NAV2: variants seen among roughly 807,000 people sequenced by gnomAD.
NAV2 encodes neuron navigator 2.
In NAV2, 54 loss-of-function variants were observed where a neutral mutation model predicts 223.2. The observed-to-expected ratio is 0.24, with a 90% confidence interval of 0.19 to 0.30. The LOEUF is 0.30. Among genes scored for constraint, NAV2 ranks in the 10% least tolerant of loss-of-function variants. NAV2 has a pLI of 1.00. For missense variants in NAV2, 2,806 were observed against 3,147.5 expected (o/e 0.89, Z 2.60); for synonymous variants, 1,279 against 1,239.3 (o/e 1.03, Z -0.67).
chr11:19,996,396 C>T (rs765397876), intron 11 of NAV2, among the ~76,000 whole-genome samples: 31 of 152,218 alleles, frequency 2.0e-4, no homozygotes, highest in Non-Finnish European at 3.7e-4. Flanking sequence ...GTATCATTTT[C>T]CCCATCTGGG....
chr11:19,465,796 G>A (rs768318683), intron 1 of NAV2, among the ~76,000 whole-genome samples: 1 of 152,230 alleles, frequency 6.6e-6, no homozygotes, highest in Non-Finnish European at 1.5e-5. Flanking sequence ...CTGAGGTTTA[G>A]CTAACCAGTA....
At chr11:19,554,671 G>C (rs909461760) in intron 1 of NAV2, among the ~76,000 whole-genome samples, 1 of 152,136 alleles carries the variant, frequency 6.6e-6, no homozygotes, top group African/African-American at 2.4e-5. Context: ...TGTTTATGGT[G>C]GTGGTGTTTT....
intron 1 of NAV2, among the ~76,000 whole-genome samples, chr11:19,706,340 A>G (rs1051441350): frequency 6.6e-6 from 1 of 152,204 alleles, no homozygotes; most frequent in Non-Finnish European, 1.5e-5. Flanking sequence ...TACCTCTTAG[A>G]GTTTCAACAC....
chr11:19,879,808 C>G lies in NAV2; in HGVS notation c.512-61C>G. The G allele has an allele frequency of 1.9e-6, 3 of 1,598,664 alleles. No individual in the cohort carries two copies. The East Asian group carries it at 6.7e-5, about 36-fold the overall frequency. On this transcript the variant is annotated intron_variant, in intron 4 of 37. Transcript: ENST00000349880. ...AATCAAACTCACGTGCCGACTGAAA[C>G]AGCCCATTGAACAGGAAGAAGAGCT...
At chr11:19,403,220 T>C (rs903478066) in intron 1 of NAV2, among the ~76,000 whole-genome samples, 16 of 152,246 alleles carry the variant, frequency 1.1e-4, no homozygotes, top group Non-Finnish European at 1.8e-4. Flanking sequence ...CAGCCACTTA[T>C]GAAGTATCTA....
chr11:19,732,946 A>C (rs892548521), intron 1 of NAV2, among the ~76,000 whole-genome samples: 1 of 152,236 alleles, frequency 6.6e-6, no homozygotes, highest in Non-Finnish European at 1.5e-5. Context: ...GTGTTAATCA[A>C]TGCCTGCACA....
intron 11 of NAV2, among the ~76,000 whole-genome samples, chr11:20,020,113 A>C (rs542437418): frequency 6.6e-6 from 1 of 152,222 alleles, no homozygotes; most frequent in Non-Finnish European, 1.5e-5. Flanking sequence ...AAGTGTCTTC[A>C]CTAGCATTGT....
chr11:19,761,522 A>G (rs1029765331), intron 1 of NAV2, among the ~76,000 whole-genome samples: 1 of 152,184 alleles, frequency 6.6e-6, no homozygotes, highest in Non-Finnish European at 1.5e-5. Flanking sequence ...AGCATGATCC[A>G]GGCAGCACAA....
intron 6 of NAV2, among the ~76,000 whole-genome samples, chr11:19,906,181 C>T (rs2042853002): frequency 6.6e-6 from 1 of 152,144 alleles, no homozygotes; most frequent in African/African-American, 2.4e-5. Context: ...TCTACATGGT[C>T]TTTCATCTCC....
chr11:19,637,331 G>A (rs1425791659), intron 1 of NAV2, among the ~76,000 whole-genome samples: 1 of 152,112 alleles, frequency 6.6e-6, no homozygotes, highest in Admixed American at 6.5e-5. Context: ...CCCTTCCCTA[G>A]CTGCTGATCT....
intron 1 of NAV2, among the ~76,000 whole-genome samples, chr11:19,547,175 G>A (rs1254439017): frequency 6.6e-6 from 1 of 152,186 alleles, no homozygotes; most frequent in Non-Finnish European, 1.5e-5. Context: ...TGGAACTCTG[G>A]AGGCCAGCTC....
intron 30 of NAV2, among the ~76,000 whole-genome samples, chr11:20,096,499 G>A (rs1039459323): frequency 6.6e-6 from 1 of 152,128 alleles, no homozygotes; most frequent in African/African-American, 2.4e-5. Context: ...ACTATGCCAA[G>A]CCCCTTATAT....
At chr11:19,779,361 C>T (rs554227303) in intron 1 of NAV2, among the ~76,000 whole-genome samples, 2 of 152,338 alleles carry the variant, frequency 1.3e-5, no homozygotes, top group East Asian at 1.9e-4. Context: ...TCCAGATAGC[C>T]TCAGATATCC....
chr11:19,975,927 G>T (rs2049690879), intron 10 of NAV2, among the ~76,000 whole-genome samples: 1 of 126,458 alleles, frequency 7.9e-6, no homozygotes, highest in Non-Finnish European at 1.8e-5. Context: ...CTCCAAAGAG[G>T]TTAATAAGAA....
intron 3 of NAV2, among the ~76,000 whole-genome samples, chr11:19,850,307 C>T (rs970560190): frequency 2.6e-5 from 4 of 152,152 alleles, no homozygotes; most frequent in Admixed American, 6.5e-5. Context: ...ATAATACACT[C>T]TCTTGTGGTT....
At chr11:19,710,824 CCTT>C (rs2049840513), upstream of NAV2, 1 of 152,206 alleles carries the variant, frequency 6.6e-6, no homozygotes, top group African/African-American at 2.4e-5. Flanking sequence ...GACAATCTCT[CCTT>C]CTTCTAGCAT....
chr11:19,416,033 A>G lies in NAV2; in HGVS notation c.75+65006A>G, dbSNP rs1276509517. The stretch of plus-strand genomic sequence containing the variant: ...GGGAGCATTCCCTTCGAAAACCCAC[A>G]CAAGACAAGTATGCCCTCTCTCACG... On this transcript the variant is annotated intron_variant, in intron 1 of 37. Transcript: ENST00000360655. Among the ~76,000 whole-genome samples, 5 of 152,348 alleles carry G rather than the reference A, an allele frequency of 3.3e-5. No individual in the cohort carries two copies. The East Asian group carries it at 9.6e-4, about 29-fold the overall frequency.
intron 1 of NAV2, among the ~76,000 whole-genome samples, chr11:19,613,078 C>T (rs2046688704): frequency 6.6e-6 from 1 of 152,172 alleles, no homozygotes; most frequent in Admixed American, 6.5e-5. Flanking sequence ...ATAAACCCAT[C>T]AGATCTCGTG....
At chr11:19,935,723 T>C (rs1215800625) in intron 7 of NAV2, among the ~76,000 whole-genome samples, 1 of 152,118 alleles carries the variant, frequency 6.6e-6, no homozygotes, top group East Asian at 1.9e-4. Context: ...ACCAATCTTT[T>C]TAATTGGGAG....
Sources: allele counts gnomAD v4.1 joint callset (sites outside exome capture counted in the v4.1 genomes callset), GRCh38; gene constraint gnomAD v4.1.1; transcripts MANE v1.5; gene names NCBI Gene and HGNC (gene_info 2026-07-23, HGNC 2026-07-21).